Variants in GNAL observed in about 807,000 individuals in gnomAD.
The protein encoded by GNAL is guanine nucleotide-binding protein G(olf) subunit alpha.
In GNAL, 18 loss-of-function variants were observed where a neutral mutation model predicts 55.1. The observed-to-expected ratio is 0.33, with a 90% confidence interval of 0.23 to 0.48. The LOEUF is 0.48. Ranked by LOEUF, GNAL falls within the 20% of genes least tolerant of loss-of-function variation. The probability of loss-of-function intolerance (pLI) is 0.99; values close to 1 mark genes in which losing one functional copy is unlikely to be tolerated. For missense variants in GNAL, 412 were observed against 614.1 expected (o/e 0.67, Z 3.48); for synonymous variants, 253 against 237.0 (o/e 1.07, Z -0.62).
chr18:11,731,234 G>A (rs892883744), intron 1 of GNAL, among the ~76,000 whole-genome samples: 9 of 152,170 alleles, frequency 5.9e-5, no homozygotes, highest in African/African-American at 1.7e-4. Context: ...TGAAACCTCC[G>A]CCTCCTGGGT....
chr18:11,730,719 G>T (rs1303833209), intron 1 of GNAL, among the ~76,000 whole-genome samples: 1 of 151,910 alleles, frequency 6.6e-6, no homozygotes, highest in African/African-American at 2.4e-5. Context: ...ACCTGAGATC[G>T]CGTCACTGCA....
chr18:11,852,026 A>C, intron 5 of GNAL: 1 of 1,613,854 alleles, frequency 6.2e-7, no homozygotes, highest in Non-Finnish European at 8.5e-7. Flanking sequence ...CCGCAGGGCC[A>C]GACCGGCTCC....
At chr18:11,706,079 C>T (rs139581637) in intron 1 of GNAL, among the ~76,000 whole-genome samples, 64 of 151,978 alleles carry the variant, frequency 4.2e-4, no homozygotes, top group African/African-American at 1.3e-3. Context: ...TTTTTTAATC[C>T]GGATATTTGC....
intron 5 of GNAL, chr18:11,851,504 G>A (rs1405306579): frequency 1.3e-6 from 2 of 1,550,828 alleles, no homozygotes; most frequent in Admixed American, 2.1e-5. Context: ...CAAAGGAGCC[G>A]TCCGACTATG....
intron 5 of GNAL, chr18:11,853,732 A>G (rs7238570): frequency 0.98 from 164,523 of 167,250 alleles, 80,973 homozygotes; most frequent in East Asian, 1. Context: ...GACACTTGTT[A>G]GTTGTCTGCC....
At chr18:11,715,239 C>T (rs1403128947) in intron 1 of GNAL, among the ~76,000 whole-genome samples, 2 of 151,692 alleles carry the variant, frequency 1.3e-5, no homozygotes, top group Non-Finnish European at 2.9e-5. Context: ...GTGGGCGGAT[C>T]ACAAGGTCAG....
intron 5 of GNAL, chr18:11,851,313 A>G: frequency 5.0e-6 from 3 of 603,880 alleles, no homozygotes; most frequent in South Asian, 2.5e-5. Context: ...TACGTCCCAC[A>G]GGCCCCACCC....
chr18:11,841,319 ATGATTATT>A (rs2035607950), intron 5 of GNAL, among the ~76,000 whole-genome samples: 1 of 152,116 alleles, frequency 6.6e-6, no homozygotes, highest in Non-Finnish European at 1.5e-5. Flanking sequence ...AAGGTTAATC[ATGATTATT>A]TGAAGACAGC....
Position 11,872,319 on chromosome 18 carries a change from G to A in GNAL, c.1083G>A (p.Leu361=). ...TGTTCTTGAACAAACAAGATATGCT[G>A]GCAGAAAAAGTCTTGGCAGGGAAAT... The part of the protein sequence containing the change: ...IILFLNKQDM[L]AEKVLAGKSK... Residue 361 remains leucine (L), a synonymous_variant, in exon 10 of 12, where the codon CTG becomes CTA. Transcript: ENST00000334049. 1 of 1,575,604 alleles carries A rather than the reference G, an allele frequency of 6.3e-7. No individual in the cohort carries two copies.
chr18:11,745,144 A>G (rs1203657605), intron 1 of GNAL, among the ~76,000 whole-genome samples: 1 of 152,218 alleles, frequency 6.6e-6, no homozygotes, highest in Non-Finnish European at 1.5e-5. Context: ...AATTTAATGT[A>G]TCCACCGTCT....
chr18:11,751,729 C>T lies in GNAL; in HGVS notation c.377-1124C>T. 3 of 896,522 alleles carry T rather than the reference C, an allele frequency of 3.3e-6. No individual in the cohort carries two copies. The highest frequency in any genetic ancestry group is 2.7e-6 in the Non-Finnish European group (2 of 748,602). The allele number at this position is 896,522 out of a possible 1,614,324, so 55.5% of individuals were successfully genotyped here. A position where few individuals can be genotyped will look rare whatever the true frequency, so the allele number is the denominator to read the frequency against. ...CGTGTAAGCGCCCCAGCCGGCCGGG[C>T]TCCGTGGGGGGTCAGCTCCCTGACC... On this transcript the variant is annotated intron_variant, in intron 1 of 11. Transcript: ENST00000334049. The surrounding 1 kb of genome is among the most constrained non-coding windows in gnomAD (Gnocchi z 4.5).
At chr18:11,697,552 A>G (rs1297533713) in intron 1 of GNAL, among the ~76,000 whole-genome samples, 1 of 151,086 alleles carries the variant, frequency 6.6e-6, no homozygotes, top group Non-Finnish European at 1.5e-5. Context: ...AGCAAGACTC[A>G]GTCTCAGAAA....
chr18:11,741,990 A>G (rs1568005735), intron 1 of GNAL, among the ~76,000 whole-genome samples: 1 of 152,154 alleles, frequency 6.6e-6, no homozygotes, highest in Non-Finnish European at 1.5e-5. Flanking sequence ...TCATCCTCCC[A>G]AACTGAATCT....
At chr18:11,732,543 C>G (rs747477020) in intron 1 of GNAL, among the ~76,000 whole-genome samples, 1 of 151,352 alleles carries the variant, frequency 6.6e-6, no homozygotes, top group East Asian at 1.9e-4. Flanking sequence ...CATTTGTTCT[C>G]AAGCACACGT....
chr18:11,722,106 T>C (rs1383048894), intron 1 of GNAL, among the ~76,000 whole-genome samples: 1 of 152,168 alleles, frequency 6.6e-6, no homozygotes, highest in African/African-American at 2.4e-5. Context: ...TGGTTTTGAA[T>C]TGACAAATAA....
chr18:11,712,820 C>T (rs2031869095), intron 1 of GNAL, among the ~76,000 whole-genome samples: 1 of 152,132 alleles, frequency 6.6e-6, no homozygotes. Flanking sequence ...TTTTTCCTTG[C>T]TCGTAGTAGC....
chr18:11,784,449 C>A (rs541524036), intron 4 of GNAL, among the ~76,000 whole-genome samples: 1 of 152,348 alleles, frequency 6.6e-6, no homozygotes, highest in African/African-American at 2.4e-5. Flanking sequence ...CATGATGACA[C>A]CCCTGCACTT....
chr18:11,788,914 A>AAAAT (rs60071996), intron 4 of GNAL, among the ~76,000 whole-genome samples: 2 of 56,302 alleles, frequency 3.6e-5, no homozygotes, highest in African/African-American at 2.0e-4. Flanking sequence ...AAAAAAAAAA[A>AAAAT]ATATATATAT....
intron 4 of GNAL, among the ~76,000 whole-genome samples, chr18:11,770,450 A>G (rs937547814): frequency 6.6e-6 from 1 of 152,226 alleles, no homozygotes; most frequent in Non-Finnish European, 1.5e-5. Flanking sequence ...CACCCATGTG[A>G]GAATCATATG....
Sources: gnomAD v4.1 joint callset for allele counts (sites outside exome capture counted in the v4.1 genomes callset) on GRCh38, gnomAD v4.1.1 for gene constraint, Gnocchi (gnomAD v3.1) non-coding constraint, MANE v1.5 for transcripts, NCBI Gene and HGNC (gene_info 2026-07-23, HGNC 2026-07-21) for gene names.